Variants in ANXA6 observed in about 807,000 individuals in gnomAD.
ANXA6 encodes the protein 67 kDa calelectrin.
Under a neutral mutation model 95.4 loss-of-function variants are expected in ANXA6, and 71 were observed. The ratio of observed to expected loss-of-function variants is 0.74; its 90% CI spans 0.61 to 0.91. The LOEUF (loss-of-function observed/expected upper bound fraction) is 0.91. Ranked by LOEUF, ANXA6 falls within the 40% of genes least tolerant of loss-of-function variation. ANXA6 has a pLI of 0.00. For missense variants in ANXA6, 830 were observed against 876.4 expected, an observed-to-expected ratio of 0.95 and a Z score of 0.67; for synonymous variants, 289 against 315.9, an observed-to-expected ratio of 0.91 and a Z score of 0.90.
chr5:151,154,621 G>A (rs1457647480), intron 1 of ANXA6, among the ~76,000 whole-genome samples: 1 of 152,158 alleles, frequency 6.6e-6, no homozygotes, highest in Non-Finnish European at 1.5e-5. Flanking sequence ...CAGGAGCCTT[G>A]ATTCTGATGA....
At chr5:151,103,725 G>A (rs374032183) in intron 24 of ANXA6, 33 bp from the exon 25 acceptor site, 177 of 1,589,790 alleles carry the variant, frequency 1.1e-4, no homozygotes, top group African/African-American at 5.8e-4. Flanking sequence ...AGACACAGGC[G>A]GAAGGAGAGA....
chr5:151,125,237 A>G (rs553803246), intron 14 of ANXA6, among the ~76,000 whole-genome samples: 1 of 151,038 alleles, frequency 6.6e-6, no homozygotes, highest in East Asian at 2.0e-4. Flanking sequence ...GGTCCCAGCT[A>G]CTTGGGAAGC....
At chr5:151,129,300 G>T in intron 12 of ANXA6, 107 bp downstream of exon 12, 1 of 1,391,758 alleles carries the variant, frequency 7.2e-7, no homozygotes. Flanking sequence ...ATGTCCAAGA[G>T]ACTCCCACTT....
At chr5:151,131,889 C>T (rs573885252) in intron 10 of ANXA6, among the ~76,000 whole-genome samples, 3 of 152,216 alleles carry the variant, frequency 2.0e-5, no homozygotes, top group South Asian at 4.1e-4. Flanking sequence ...CACCCTGCAC[C>T]CCACTTAACA....
rs528715340 is a variant in ANXA6 at position 151,117,277 on chromosome 5, G to A, written c.1519-97C>T. 4.6e-5 allele frequency: 57 copies of A among 1,249,472 alleles called. No homozygotes were observed. In the African/African-American group the frequency reaches 6.6e-4, roughly 14 times the overall value. The allele number at this position is 1,249,472 out of a possible 1,614,324, so 77.4% of individuals were successfully genotyped here. On this transcript the variant is annotated intron_variant, in intron 19 of 25. Transcript: ENST00000354546. Reference sequence around the variant, plus strand: ...CCTGCTCATTTTCACCTCTCTGAATGCTCTTCCTCATCAGCTACACAGGGA... The same window carrying A: ...CCTGCTCATTTTCACCTCTCTGAATACTCTTCCTCATCAGCTACACAGGGA...
At position 151,100,876 on chromosome 5, in the gene ANXA6, G is replaced by C. The variant is rs1255008434; in HGVS notation, c.*572C>G. The C allele has an allele frequency of 2.2e-6, 1 of 456,240 alleles. No homozygotes were observed. Among genetic ancestry groups the C allele is most frequent in the Non-Finnish European group, 4.4e-6 (1 of 226,988 alleles). The allele number at this position is 456,240 out of a possible 1,614,324, so 28.3% of individuals were successfully genotyped here. On this transcript the variant is annotated 3_prime_UTR_variant, in exon 26 of 26. Coordinates refer to ENST00000354546, the MANE Select transcript of ANXA6 (RefSeq NM_001155.5). ...AAATAGAGACTCAGGGAGGGAAAGGGGCTGGCCTAAGGTCAGAAACAAGTG... is the reference window on the plus strand; with the variant it reads ...AAATAGAGACTCAGGGAGGGAAAGGCGCTGGCCTAAGGTCAGAAACAAGTG...
rs1425502898 is a variant in ANXA6 at position 151,107,658 on chromosome 5, T to C, written c.1780+797A>G. 2.0e-5 allele frequency among the ~76,000 whole-genome samples: 3 copies of C among 152,326 alleles called. No individual in the cohort carries two copies. In the East Asian group the frequency reaches 5.8e-4, roughly 29 times the overall value. On this transcript the variant is annotated intron_variant, in intron 23 of 25. Coordinates refer to ENST00000354546, the MANE Select transcript of ANXA6 (RefSeq NM_001155.5). ...TAAAAGTGCATTGATGCAATGTGTTTTATAGTAAATGAAACAAGATACCAC... is the reference window on the plus strand; with the variant it reads ...TAAAAGTGCATTGATGCAATGTGTTCTATAGTAAATGAAACAAGATACCAC...
intron 3 of ANXA6, 48 bp downstream of exon 3, chr5:151,140,105 C>T (rs1278885127): frequency 1.3e-6 from 2 of 1,575,166 alleles, no homozygotes; most frequent in East Asian, 4.5e-5. Context: ...TGGGCTGTGT[C>T]TACTTTTGGG....
chr5:151,149,976 A>G (rs965704358), intron 1 of ANXA6, among the ~76,000 whole-genome samples: 2 of 152,026 alleles, frequency 1.3e-5, no homozygotes, highest in African/African-American at 4.8e-5. Flanking sequence ...AAAATTAGCC[A>G]GGTGTGATGG....
chr5:151,112,576 A>G (rs1439404787), intron 20 of ANXA6, among the ~76,000 whole-genome samples: 1 of 152,252 alleles, frequency 6.6e-6, no homozygotes, highest in East Asian at 1.9e-4. Context: ...TCACACCTGT[A>G]ATCCCAGGAC....
At position 151,108,520 on chromosome 5, in the gene ANXA6, T is replaced by C; in HGVS notation, c.1715A>G (p.Tyr572Cys). ...CTTCTTGATGGTGTGCTCCACGTCA[T>C]AGTTGGTCATCTTGATGAACTCCTG... is the stretch of plus-strand genomic sequence containing the variant. ...VFQEFIKMTNYDVEHTIKKEM... is the reference protein window; with the variant it reads ...VFQEFIKMTNCDVEHTIKKEM... The change falls in exon 23 of 26, where the codon TAT (tyrosine) becomes TGT (cysteine). Residue 572 changes from tyrosine (Y) to cysteine (C), a missense_variant. Tyr to Cys is a radical substitution (Grantham distance 194). Transcript: ENST00000354546. The C allele has an allele frequency of 6.2e-7, 1 of 1,613,968 alleles. No individual in the cohort carries two copies. Among genetic ancestry groups the C allele is most frequent in the Non-Finnish European group, 8.5e-7 (1 of 1,179,868 alleles).
chr5:151,110,011 A>G (rs964171788), intron 21 of ANXA6, among the ~76,000 whole-genome samples, 165 bp from the exon 22 acceptor site: 1 of 152,128 alleles, frequency 6.6e-6, no homozygotes, highest in East Asian at 1.9e-4. Context: ...CTCAAGCACA[A>G]TGGCTTCTAT....
At position 151,123,099 on chromosome 5, in the gene ANXA6, C is replaced by T. The variant is rs895240130; in HGVS notation, c.1139-88G>A. ...CGCCCACTGATGGCCCCTCATCGAT[C>T]TTTGTCAGGGTAGAAGCCTGGCTAA... On this transcript the variant is annotated intron_variant, in intron 15 of 25. Transcript: ENST00000354546. The T allele has an allele frequency of 5.1e-6, 6 of 1,176,752 alleles. No homozygotes were observed. In the African/African-American group the frequency reaches 9.0e-5, roughly 18 times the overall value. The allele number at this position is 1,176,752 out of a possible 1,614,324, so 72.9% of individuals were successfully genotyped here. A position where few individuals can be genotyped will look rare whatever the true frequency, so the allele number is the denominator to read the frequency against.
At chr5:151,122,307 C>T (rs1199180216) in intron 16 of ANXA6, 47 bp from the exon 17 acceptor site, 1 of 1,131,016 alleles carries the variant, frequency 8.8e-7, no homozygotes. Flanking sequence ...CACTTGCCCA[C>T]ACATGACTCA....
intron 2 of ANXA6, among the ~76,000 whole-genome samples, chr5:151,142,168 G>C (rs1765856524): frequency 6.6e-6 from 1 of 152,240 alleles, no homozygotes; most frequent in African/African-American, 2.4e-5. Flanking sequence ...GGCAATATTA[G>C]CTACTAGGAT....
intron 25 of ANXA6, among the ~76,000 whole-genome samples, chr5:151,102,070 A>C (rs115312502): frequency 2.0e-5 from 3 of 152,128 alleles, no homozygotes; most frequent in African/African-American, 7.2e-5. Flanking sequence ...TACAAACACC[A>C]TCACGCTCAC....
chr5:151,126,203 G>A (rs1027922846), intron 14 of ANXA6, among the ~76,000 whole-genome samples, 199 bp downstream of exon 14: 54 of 152,162 alleles, frequency 3.5e-4, no homozygotes, highest in Non-Finnish European at 4.4e-4. Context: ...CCTTTCCAGC[G>A]TGTCAGAAGC....
chr5:151,128,269 C>A, intron 12 of ANXA6, 30 bp from the exon 13 acceptor site: 1 of 1,582,114 alleles, frequency 6.3e-7, no homozygotes, highest in Non-Finnish European at 8.6e-7. Context: ...GGTTACCTCT[C>A]ACCCAGCCCT....
chr5:151,118,298 C>G (rs372562393), intron 18 of ANXA6, among the ~76,000 whole-genome samples: 13 of 150,108 alleles, frequency 8.7e-5, no homozygotes, highest in African/African-American at 3.2e-4. Flanking sequence ...CTCACTCTGT[C>G]ACCCAGGCTG....
Sources: gnomAD v4.1 joint callset for allele counts (sites outside exome capture counted in the v4.1 genomes callset) on GRCh38, gnomAD v4.1.1 for gene constraint, MANE v1.5 for transcripts, NCBI Gene and HGNC (gene_info 2026-07-23, HGNC 2026-07-21) for gene names.